Variants in ZFAND3 observed in about 807,000 individuals in gnomAD.
ZFAND3 encodes the protein AN1-type zinc finger protein 3.
Under a neutral mutation model 29.6 loss-of-function variants are expected in ZFAND3, and 10 were observed. The observed-to-expected ratio is 0.34, with a 90% CI of 0.21 to 0.57. ZFAND3 has a LOEUF of 0.57. ZFAND3 is among the 20% of genes least tolerant of loss of function. The pLI is 0.86. For missense variants in ZFAND3, 230 were observed against 304.5 expected, an observed-to-expected ratio of 0.76 and a Z score of 1.82; for synonymous variants, 128 against 112.6, an observed-to-expected ratio of 1.14 and a Z score of -0.87.
At chr6:38,010,225 G>A (rs552623668) in intron 2 of ZFAND3, among the ~76,000 whole-genome samples, 1 of 152,262 alleles carries the variant, frequency 6.6e-6, no homozygotes, top group African/African-American at 2.4e-5. Flanking sequence ...GAACCGTTTA[G>A]ACTCATCAAT....
chr6:37,836,228 C>T (rs1763965670), intron 1 of ZFAND3, among the ~76,000 whole-genome samples: 1 of 152,154 alleles, frequency 6.6e-6, no homozygotes, highest in South Asian at 2.1e-4. Flanking sequence ...TCCCTAGCCC[C>T]AGTTTAGTGG....
intron 1 of ZFAND3, among the ~76,000 whole-genome samples, chr6:37,855,229 C>T (rs1373676022): frequency 6.6e-6 from 1 of 151,062 alleles, no homozygotes; most frequent in Non-Finnish European, 1.5e-5. Flanking sequence ...ACGGCAGCCT[C>T]CACCTCCCAG....
At chr6:37,910,190 C>G (rs1390030371) in intron 1 of ZFAND3, among the ~76,000 whole-genome samples, 1 of 152,192 alleles carries the variant, frequency 6.6e-6, no homozygotes, top group Non-Finnish European at 1.5e-5. Context: ...TCTTTTCTTA[C>G]TAGCATATGA....
At chr6:37,831,236 T>C (rs531281803) in intron 1 of ZFAND3, among the ~76,000 whole-genome samples, 48 of 152,358 alleles carry the variant, frequency 3.2e-4, no homozygotes, top group Non-Finnish European at 6.2e-4. Flanking sequence ...AAAGGCCAGC[T>C]TCCCAACTTG....
At chr6:38,112,027 C>T (rs1562003698) in intron 4 of ZFAND3, among the ~76,000 whole-genome samples, 1 of 152,184 alleles carries the variant, frequency 6.6e-6, no homozygotes, top group Non-Finnish European at 1.5e-5. Context: ...GAAAATTAAG[C>T]GCAGTTACTT....
chr6:37,867,212 TTGTGCAG>T (rs1391503937), intron 1 of ZFAND3, among the ~76,000 whole-genome samples: 10 of 152,340 alleles, frequency 6.6e-5, no homozygotes, highest in African/African-American at 2.2e-4. Flanking sequence ...GAAGTGCATG[TTGTGCAG>T]TAAAGAAGCA....
At chr6:38,031,191 G>T (rs1763552735) in intron 2 of ZFAND3, among the ~76,000 whole-genome samples, 1 of 152,092 alleles carries the variant, frequency 6.6e-6, no homozygotes, top group South Asian at 2.1e-4. Context: ...GCTACTACCT[G>T]TTTGTTTGCC....
chr6:38,110,160 C>T lies in ZFAND3; in HGVS notation c.362-6412C>T, dbSNP rs553721099. ...TATCAAATGAAGATGATGGCATTCT[C>T]CACAAAATTTTAATAATCAGCCTCT... On this transcript the variant is annotated intron_variant, in intron 4 of 5. Coordinates refer to ENST00000287218, the MANE Select transcript of ZFAND3 (RefSeq NM_021943.3). Among the ~76,000 whole-genome samples, 28 of 152,248 alleles carry T rather than the reference C, an allele frequency of 1.8e-4. No homozygotes were observed. The South Asian group carries it at 3.3e-3, about 18-fold the overall frequency.
At position 38,091,473 on chromosome 6, in the gene ZFAND3, ATTTTTTTTTTTTT is replaced by A. The variant is rs5875611; in HGVS notation, c.361+9031_361+9043del. Among the ~76,000 whole-genome samples, 16 of 73,682 alleles carry A rather than the reference ATTTTTTTTTTTTT, an allele frequency of 2.2e-4. 1 individual carries two copies. Among genetic ancestry groups the A allele is most frequent in the African/African-American group, 2.9e-4 (5 of 17,472 alleles). The allele number at this position is 73,682 out of a possible 152,430, so 48.3% of individuals were successfully genotyped here. ...CCCTCTCCTCCTTTGAAACTTTAGG[ATTTTTTTTTTTTT>A]TTTTTTTTTTTTTTGGTGGGGGTGT... On this transcript the variant is annotated intron_variant, in intron 4 of 5. Coordinates refer to ENST00000287218, the MANE Select transcript of ZFAND3 (RefSeq NM_021943.3).
intron 2 of ZFAND3, among the ~76,000 whole-genome samples, chr6:38,016,216 A>G (rs1173332606): frequency 1.3e-5 from 2 of 152,226 alleles, no homozygotes; most frequent in Non-Finnish European, 2.9e-5. Flanking sequence ...TGAAGTAACA[A>G]TCAAACTTAC....
At chr6:37,864,706 CAT>C (rs1415592824) in intron 1 of ZFAND3, among the ~76,000 whole-genome samples, 1 of 150,762 alleles carries the variant, frequency 6.6e-6, no homozygotes, top group Non-Finnish European at 1.5e-5. Flanking sequence ...TGTGTATGTT[CAT>C]ATGTTTATGT....
chr6:37,917,815 A>G (rs774968475), intron 1 of ZFAND3, among the ~76,000 whole-genome samples: 14 of 152,036 alleles, frequency 9.2e-5, no homozygotes, highest in Non-Finnish European at 1.5e-5. Flanking sequence ...TCTTTCACAA[A>G]CTCCCTGAGA....
intron 2 of ZFAND3, among the ~76,000 whole-genome samples, chr6:37,952,330 C>T (rs1260554804): frequency 6.6e-6 from 1 of 152,110 alleles, no homozygotes; most frequent in Non-Finnish European, 1.5e-5. Context: ...TCTTCTGGTT[C>T]AGGGCTTTTG....
intron 2 of ZFAND3, among the ~76,000 whole-genome samples, chr6:37,950,434 G>A (rs1356896421): frequency 2.0e-5 from 3 of 151,372 alleles, no homozygotes; most frequent in Non-Finnish European, 2.9e-5. Context: ...CTGGAGTGCA[G>A]CAGCGCAAAC....
intron 5 of ZFAND3, among the ~76,000 whole-genome samples, chr6:38,141,335 T>C (rs1460676901): frequency 6.6e-6 from 1 of 152,202 alleles, no homozygotes; most frequent in East Asian, 1.9e-4. Context: ...AAACAATCAG[T>C]ACGTGACCAA....
At chr6:37,916,534 C>T (rs937143979) in intron 1 of ZFAND3, among the ~76,000 whole-genome samples, 4 of 152,084 alleles carry the variant, frequency 2.6e-5, no homozygotes, top group African/African-American at 9.7e-5. Flanking sequence ...GTGGCACGTG[C>T]CTGTAATCCC....
chr6:37,845,144 A>G (rs1764155128), intron 1 of ZFAND3, among the ~76,000 whole-genome samples: 1 of 152,306 alleles, frequency 6.6e-6, no homozygotes. Context: ...CCCAGATTCA[A>G]GAGAAGGAGA....
intron 1 of ZFAND3, among the ~76,000 whole-genome samples, chr6:37,905,381 G>A (rs1477988334): frequency 2.6e-5 from 4 of 152,070 alleles, no homozygotes; most frequent in Admixed American, 6.6e-5. Context: ...CATATAGTCA[G>A]TTTCTCTGCT....
At chr6:37,900,895 A>G (rs1338314971) in intron 1 of ZFAND3, among the ~76,000 whole-genome samples, 1 of 152,188 alleles carries the variant, frequency 6.6e-6, no homozygotes, top group African/African-American at 2.4e-5. Context: ...TCAGAGTTTA[A>G]AATAGGATAT....
Sources: gnomAD v4.1 joint callset for allele counts (sites outside exome capture counted in the v4.1 genomes callset) on GRCh38, gnomAD v4.1.1 for gene constraint, MANE v1.5 for transcripts, NCBI Gene and HGNC (gene_info 2026-07-23, HGNC 2026-07-21) for gene names.